The following ASCC3 variants were observed in gnomAD, a reference collection of about 807,000 sequenced individuals.
The protein encoded by ASCC3 is ASC-1 complex subunit P200.
ASCC3 carries 158 observed loss-of-function variants against 256.3 expected under a neutral mutation model. The ratio of observed to expected loss-of-function variants is 0.62; its 90% confidence interval spans 0.54 to 0.70. The LOEUF is 0.70. ASCC3 is among the 30% of genes least tolerant of loss of function. ASCC3 has a pLI of 0.00. For synonymous variants in ASCC3, 948 were observed against 883.4 expected, an observed-to-expected ratio of 1.07 and a Z score of -1.30; for missense variants, 2,259 against 2,626.0, an observed-to-expected ratio of 0.86 and a Z score of 3.05.
Position 100,662,365 on chromosome 6 carries a change from C to A in ASCC3, c.2458G>T (p.Ala820Ser). Residue 820 changes from alanine to serine, a missense_variant, in exon 15 of 42, where the codon GCC becomes TCC. Coordinates refer to ENST00000369162, the MANE Select transcript of ASCC3 (RefSeq NM_006828.4). ...CTTACCTTAATAATAACAGCATGGG[C>A]GGGAAGATTGACACCCCAGGCTAAC... ...ATLAWGVNLP[A>S]HAVIIKGTQI... 2.5e-6 allele frequency: 4 copies of A among 1,612,820 alleles called. No individual in the cohort carries two copies. Among genetic ancestry groups the A allele is most frequent in the Non-Finnish European group, 3.4e-6 (4 of 1,179,232 alleles).
intron 13 of ASCC3, among the ~76,000 whole-genome samples, chr6:100,684,439 G>A (rs1777460233): frequency 6.6e-6 from 1 of 152,108 alleles, no homozygotes; most frequent in African/African-American, 2.4e-5. Context: ...TATAGGTCTG[G>A]GGCAAGCCAC....
chr6:100,696,440 T>C (rs1778085482), intron 13 of ASCC3, among the ~76,000 whole-genome samples: 1 of 152,108 alleles, frequency 6.6e-6, no homozygotes. Context: ...TATCAAATGA[T>C]TTCTCTAAAA....
chr6:100,746,575 A>G (rs184223020), intron 10 of ASCC3, among the ~76,000 whole-genome samples: 3 of 152,268 alleles, frequency 2.0e-5, no homozygotes, highest in Non-Finnish European at 4.4e-5. Flanking sequence ...AAGATTTGCA[A>G]ATGAATTAAT....
Position 100,710,060 on chromosome 6 carries a change from T to C in ASCC3, c.2151+5402A>G, listed in dbSNP as rs1582736406. Among the ~76,000 whole-genome samples the C allele has an allele frequency of 3.9e-5, 6 of 152,284 alleles. 1 individual carries two copies. In the Middle Eastern group the frequency reaches 0.014, roughly 345 times the overall value. On this transcript the variant is annotated intron_variant, in intron 13 of 41. Coordinates refer to ENST00000369162, the MANE Select transcript of ASCC3 (RefSeq NM_006828.4). ...GGGCACGCATCTTAAAGAAGGATCA[T>C]AGTTATCCTGCTCTAATTCTTCTTT...
In ASCC3 at chr6:100,864,045, GA is replaced by G. The variant is rs753642379; in HGVS notation, c.241+18del. 53 of 1,377,774 alleles carry G rather than the reference GA, an allele frequency of 3.8e-5. No homozygotes were observed. The African/African-American group carries it at 6.9e-4, about 18-fold the overall frequency. 85.3% of individuals were successfully genotyped at this position (1,377,774 alleles called of 1,614,324 possible). On this transcript the variant is annotated intron_variant, in intron 3 of 41. Transcript: ENST00000369162. ...ACTGGTTCTCTTTAAAAAAAAAAAAGAAAAAAAGAAAACTATACCTATCTGC... is the reference window on the plus strand; with the variant it reads ...ACTGGTTCTCTTTAAAAAAAAAAAAGAAAAAAGAAAACTATACCTATCTGC...
chr6:100,560,464 G>A (rs1342717087), intron 36 of ASCC3, among the ~76,000 whole-genome samples: 1 of 151,994 alleles, frequency 6.6e-6, no homozygotes, highest in Admixed American at 6.6e-5. Context: ...GTGCCCTGAG[G>A]ATTAGAGACT....
intron 13 of ASCC3, among the ~76,000 whole-genome samples, chr6:100,681,684 G>T (rs1777309229): frequency 1.6e-5 from 2 of 123,096 alleles, no homozygotes; most frequent in Non-Finnish European, 3.1e-5. Context: ...CCGGGATTAC[G>T]CCACTGCACT....
chr6:100,791,856 G>A (rs1769363330), intron 8 of ASCC3, among the ~76,000 whole-genome samples: 1 of 151,852 alleles, frequency 6.6e-6, no homozygotes, highest in African/African-American at 2.4e-5. Context: ...GGAAAATTTA[G>A]TCCTCATTTC....
rs80017244 is a variant in ASCC3 at position 100,808,067 on chromosome 6, A to G, written c.802-2187T>C. On this transcript the variant is annotated intron_variant, in intron 4 of 41. Transcript: ENST00000369162. Reference sequence around the variant, plus strand: ...TGCCAATGCTAAAATGCAAGGTTTCAAGAGAAAATTAGAATTTTGAAAAAC... The same window carrying G: ...TGCCAATGCTAAAATGCAAGGTTTCGAGAGAAAATTAGAATTTTGAAAAAC... Among the ~76,000 whole-genome samples the G allele has an allele frequency of 0.013, 1,950 of 152,044 alleles. 99 individuals carry two copies. The East Asian group carries it at 0.15, about 12-fold the overall frequency.
At chr6:100,543,842 T>C (rs539974251) in intron 36 of ASCC3, among the ~76,000 whole-genome samples, 2 of 152,226 alleles carry the variant, frequency 1.3e-5, no homozygotes, top group East Asian at 3.9e-4. Flanking sequence ...TGAACAACAC[T>C]GTTAACTAAG....
At chr6:100,838,297 T>G (rs552037462) in intron 4 of ASCC3, among the ~76,000 whole-genome samples, 1 of 152,088 alleles carries the variant, frequency 6.6e-6, no homozygotes, top group African/African-American at 2.4e-5. Flanking sequence ...CTGAAAACAG[T>G]TTTGAATTGA....
chr6:100,860,296 T>C (rs1045162449), intron 3 of ASCC3, among the ~76,000 whole-genome samples: 3 of 151,866 alleles, frequency 2.0e-5, no homozygotes, highest in African/African-American at 7.2e-5. Context: ...TACACTAAGA[T>C]TAAGGACCAA....
At chr6:100,825,388 T>C (rs1453209557) in intron 4 of ASCC3, among the ~76,000 whole-genome samples, 1 of 152,022 alleles carries the variant, frequency 6.6e-6, no homozygotes, top group Non-Finnish European at 1.5e-5. Context: ...AACTTCTTAC[T>C]ACTACTCTTA....
At chr6:100,731,533 G>A (rs1258518335) in intron 10 of ASCC3, among the ~76,000 whole-genome samples, 1 of 152,138 alleles carries the variant, frequency 6.6e-6, no homozygotes, top group Non-Finnish European at 1.5e-5. Context: ...CTCCATTAAT[G>A]TCTCGTAGAG....
intron 8 of ASCC3, among the ~76,000 whole-genome samples, chr6:100,788,741 T>A (rs943604992): frequency 6.6e-6 from 1 of 151,970 alleles, no homozygotes; most frequent in African/African-American, 2.4e-5. Flanking sequence ...TACAAGTAAC[T>A]TATATGACGT....
intron 10 of ASCC3, among the ~76,000 whole-genome samples, chr6:100,727,638 T>C (rs1037003042): frequency 2.3e-4 from 34 of 144,988 alleles, no homozygotes; most frequent in African/African-American, 8.4e-4. Context: ...GAACTTTCTG[T>C]TCTGGGTTTG....
In ASCC3 at chr6:100,798,710, C is replaced by A; in HGVS notation, c.1395+3G>T. On this transcript the variant is annotated splice_donor_region_variant and intron_variant, in intron 8 of 41. Transcript: ENST00000369162. ...TATCAACTCTATAAAAGGCTCATCT[C>A]ACCTCATCTAAGTCTTGGATATAAA... 3.7e-6 allele frequency: 6 copies of A among 1,612,254 alleles called. No individual in the cohort carries two copies. Among genetic ancestry groups the A allele is most frequent in the Non-Finnish European group, 5.1e-6 (6 of 1,179,324 alleles).
chr6:100,780,341 C>T lies in ASCC3; in HGVS notation c.1396-12996G>A, dbSNP rs560717374. 4.6e-5 allele frequency among the ~76,000 whole-genome samples: 7 copies of T among 152,228 alleles called. No individual in the cohort carries two copies. The South Asian group carries it at 1.0e-3, about 23-fold the overall frequency. On this transcript the variant is annotated intron_variant, in intron 8 of 41. Transcript: ENST00000369162. ...GCTCATAAATTGATAAATAAACTGT[C>T]CTAACACAGCAGATTACATTCAGGG... is the stretch of plus-strand genomic sequence containing the variant.
At chr6:100,617,260 G>A (rs1460003402) in intron 30 of ASCC3, among the ~76,000 whole-genome samples, 2 of 151,862 alleles carry the variant, frequency 1.3e-5, no homozygotes, top group African/African-American at 2.4e-5. Context: ...TGCCTGCCTC[G>A]GCCTCCCAAA....
Sources: gnomAD v4.1 joint callset for allele counts (sites outside exome capture counted in the v4.1 genomes callset) on GRCh38, gnomAD v4.1.1 for gene constraint, MANE v1.5 for transcripts, NCBI Gene and HGNC (gene_info 2026-07-23, HGNC 2026-07-21) for gene names.